Variants in DGKE observed in about 807,000 individuals in gnomAD.
DGKE encodes diacylglycerol kinase epsilon.
DGKE carries 53 observed loss-of-function variants against 70.0 expected under a neutral mutation model. That is an observed-to-expected ratio of 0.76 (90% CI 0.61 to 0.95). DGKE has a LOEUF of 0.95. Among genes scored for constraint, DGKE ranks in the 40% least tolerant of loss-of-function variants. DGKE has a pLI of 0.00. For missense variants in DGKE, 655 were observed against 706.9 expected, an observed-to-expected ratio of 0.93 and a Z score of 0.83; for synonymous variants, 291 against 257.0, an observed-to-expected ratio of 1.13 and a Z score of -1.27.
chr17:56,853,153 T>TA (rs1314933834), intron 7 of DGKE, among the ~76,000 whole-genome samples: 1 of 152,220 alleles, frequency 6.6e-6, no homozygotes, highest in East Asian at 1.9e-4. Context: ...TATTGGTTGT[T>TA]ATTGAGTAAC....
intron 2 of DGKE, among the ~76,000 whole-genome samples, chr17:56,841,382 G>A (rs1191184451): frequency 1.3e-5 from 2 of 151,960 alleles, no homozygotes; most frequent in Non-Finnish European, 2.9e-5. Context: ...ACTGAAGCAT[G>A]TTTGCAATAA....
intron 5 of DGKE, 103 bp from the exon 6 acceptor site, chr17:56,848,593 A>G (rs951546524): frequency 2.6e-6 from 3 of 1,151,912 alleles, no homozygotes; most frequent in Admixed American, 4.4e-5. Context: ...TACAGTTGTT[A>G]TATTTGTATC....
chr17:56,845,552 T>C, intron 3 of DGKE, 138 bp from the exon 4 acceptor site: 1 of 882,896 alleles, frequency 1.1e-6, no homozygotes, highest in Non-Finnish European at 1.6e-6. Flanking sequence ...TTAGAATTCT[T>C]TGATTTTTAT....
intron 8 of DGKE, among the ~76,000 whole-genome samples, chr17:56,858,071 C>CAAA (rs11449627): frequency 0.014 from 1,433 of 100,384 alleles, 21 homozygotes; most frequent in African/African-American, 0.041. Context: ...GACTCCATCT[C>CAAA]AAAAAAAAAA....
chr17:56,857,376 G>A (rs1185919392), intron 8 of DGKE, among the ~76,000 whole-genome samples: 1 of 152,098 alleles, frequency 6.6e-6, no homozygotes, highest in African/African-American at 2.4e-5. Context: ...TTTGAACTAA[G>A]GTCATCTCTG....
chr17:56,844,259 G>A (rs1312660632), intron 3 of DGKE, 81 bp downstream of exon 3: 2 of 937,596 alleles, frequency 2.1e-6, no homozygotes, highest in Non-Finnish European at 1.5e-6. Context: ...AAGACAGTAT[G>A]TAAGAAGAAT....
At chr17:56,853,480 TGGGTGAAATAA>T (rs1306527947) in intron 7 of DGKE, among the ~76,000 whole-genome samples, 6 of 152,240 alleles carry the variant, frequency 3.9e-5, no homozygotes. Flanking sequence ...TTCTTTATAA[TGGGTGAAATAA>T]GGGTTGATTT....
At chr17:56,836,889 C>G (rs570616419) in intron 2 of DGKE, among the ~76,000 whole-genome samples, 6 of 152,198 alleles carry the variant, frequency 3.9e-5, no homozygotes, top group Non-Finnish European at 8.8e-5. Context: ...TCAAAGCTTT[C>G]CTCTCAGTAT....
intron 2 of DGKE, among the ~76,000 whole-genome samples, chr17:56,837,022 C>T (rs933088148): frequency 1.3e-5 from 2 of 152,108 alleles, no homozygotes; most frequent in African/African-American, 4.8e-5. Context: ...TTGGTGATAA[C>T]GTAATATCCT....
chr17:56,855,131 T>A (rs1262268626), intron 7 of DGKE, among the ~76,000 whole-genome samples: 3 of 151,722 alleles, frequency 2.0e-5, no homozygotes, highest in African/African-American at 7.3e-5. Context: ...AAAATTCAGT[T>A]AAAAAATAAA....
chr17:56,841,525 C>T (rs1175761820), intron 2 of DGKE, among the ~76,000 whole-genome samples: 1 of 152,070 alleles, frequency 6.6e-6, no homozygotes, highest in Non-Finnish European at 1.5e-5. Context: ...ACCTACTAAT[C>T]AGACTTCCAG....
intron 9 of DGKE, among the ~76,000 whole-genome samples, chr17:56,860,951 A>G (rs1908252122): frequency 6.6e-6 from 1 of 152,184 alleles, no homozygotes; most frequent in Non-Finnish European, 1.5e-5. Flanking sequence ...GGTTAAAGTG[A>G]AGCCACTGAA....
chr17:56,852,117 A>T, intron 7 of DGKE, among the ~76,000 whole-genome samples: 1 of 152,222 alleles, frequency 6.6e-6, no homozygotes, highest in East Asian at 1.9e-4. Flanking sequence ...TTTAAAATTT[A>T]AAAATCACAA....
Position 56,869,081 on chromosome 17 carries a change from G to C in DGKE, c.*6290G>C, listed in dbSNP as rs1908646675. On this transcript the variant is annotated 3_prime_UTR_variant, in exon 12 of 12. Coordinates refer to ENST00000284061, the MANE Select transcript of DGKE (RefSeq NM_003647.3). Reference sequence around the variant, plus strand: ...CCTGAGCCTCAAATTTTCTTTCTCTGTAAGAATGGGAATTAATGCCCACCT... The same window carrying C: ...CCTGAGCCTCAAATTTTCTTTCTCTCTAAGAATGGGAATTAATGCCCACCT... 1 of 152,140 alleles carries C rather than the reference G, an allele frequency of 6.6e-6. No homozygotes were observed. Among genetic ancestry groups the C allele is most frequent in the East Asian group, 1.9e-4 (1 of 5,172 alleles). 9.4% of individuals were successfully genotyped at this position (152,140 alleles called of 1,614,324 possible).
intron 7 of DGKE, among the ~76,000 whole-genome samples, chr17:56,854,383 A>G (rs1303816916): frequency 6.6e-6 from 1 of 151,946 alleles, no homozygotes; most frequent in South Asian, 2.1e-4. Context: ...ATCACGGCTC[A>G]CTGCAGCCTA....
At chr17:56,858,712 G>A in intron 9 of DGKE, 47 bp downstream of exon 9, 3 of 1,341,782 alleles carry the variant, frequency 2.2e-6, no homozygotes, top group East Asian at 2.4e-5. Flanking sequence ...GGTGGTCTCT[G>A]GATTATGAAG....
chr17:56,846,900 GA>G (rs1907321141), intron 4 of DGKE, among the ~76,000 whole-genome samples: 1 of 151,764 alleles, frequency 6.6e-6, no homozygotes, highest in African/African-American at 2.4e-5. Flanking sequence ...TTTGCATTCT[GA>G]TTTTTTTAAT....
intron 7 of DGKE, among the ~76,000 whole-genome samples, chr17:56,851,256 C>T (rs144884619): frequency 5.9e-5 from 9 of 152,226 alleles, no homozygotes; most frequent in African/African-American, 1.7e-4. Context: ...AGATCACTTC[C>T]CCTTTCCCCA....
chr17:56,848,182 C>A, intron 5 of DGKE, 117 bp downstream of exon 5: 1 of 621,880 alleles, frequency 1.6e-6, no homozygotes, highest in African/African-American at 1.9e-5. Flanking sequence ...TCTTGAGATA[C>A]AGTCTCGCAC....
Sources: allele counts gnomAD v4.1 joint callset (sites outside exome capture counted in the v4.1 genomes callset), GRCh38; gene constraint gnomAD v4.1.1; transcripts MANE v1.5; gene names NCBI Gene and HGNC (gene_info 2026-07-23, HGNC 2026-07-21).